WARS2: variants seen among roughly 807,000 people sequenced by gnomAD.
WARS2 encodes tryptophan--tRNA ligase, mitochondrial.
WARS2 carries 28 observed loss-of-function variants against 36.5 expected under a neutral mutation model. The observed-to-expected ratio is 0.77, with a 90% CI of 0.57 to 1.05. The LOEUF (loss-of-function observed/expected upper bound fraction) is 1.05, where lower values mean the gene tolerates loss of function less well. Ranked by LOEUF, WARS2 falls within the 50% of genes least tolerant of loss-of-function variation. The pLI is 0.00. For synonymous variants in WARS2, 174 were observed against 178.4 expected (o/e 0.98, Z 0.20); for missense variants, 435 against 456.8 (o/e 0.95, Z 0.44).
chr1:119,128,233 G>A (rs1655818579), intron 1 of WARS2, among the ~76,000 whole-genome samples: 1 of 151,748 alleles, frequency 6.6e-6, no homozygotes, highest in Non-Finnish European at 1.5e-5. Flanking sequence ...CACAACCACT[G>A]GCCTGTAATT....
intron 4 of WARS2, among the ~76,000 whole-genome samples, chr1:119,039,761 G>A (rs1648191926): frequency 6.6e-6 from 1 of 151,740 alleles, no homozygotes; most frequent in African/African-American, 2.4e-5. Context: ...TTTGTTTTCT[G>A]ACCCACCATG....
At chr1:119,065,625 ACT>A (rs1388721097) in intron 2 of WARS2, among the ~76,000 whole-genome samples, 7 of 134,696 alleles carry the variant, frequency 5.2e-5, no homozygotes, top group African/African-American at 1.2e-4. Context: ...ACAGAGTGAG[ACT>A]CTGTCTCAAA....
chr1:119,086,349 CTGAGA>C (rs1173107419), intron 1 of WARS2, among the ~76,000 whole-genome samples: 4 of 152,208 alleles, frequency 2.6e-5, no homozygotes, highest in African/African-American at 9.7e-5. Context: ...TGGCCAGCAG[CTGAGA>C]TATGTGGCTA....
chr1:119,058,164 T>G (rs1482779306), intron 2 of WARS2, among the ~76,000 whole-genome samples: 1 of 152,182 alleles, frequency 6.6e-6, no homozygotes. Context: ...TCAAGGTTCA[T>G]GTTCTCCCTC....
intron 1 of WARS2, among the ~76,000 whole-genome samples, chr1:119,114,883 T>C (rs1299968877): frequency 6.6e-6 from 1 of 152,166 alleles, no homozygotes; most frequent in African/African-American, 2.4e-5. Context: ...CTCCCTGATA[T>C]TATAAGTCCT....
At chr1:119,048,949 G>A (rs968388901) in intron 2 of WARS2, among the ~76,000 whole-genome samples, 3 of 152,144 alleles carry the variant, frequency 2.0e-5, no homozygotes, top group Non-Finnish European at 4.4e-5. Context: ...TGTAATCCCA[G>A]CTACTCGGGA....
chr1:119,130,017 T>C (rs927271137), intron 1 of WARS2, among the ~76,000 whole-genome samples: 5 of 152,148 alleles, frequency 3.3e-5, no homozygotes, highest in Non-Finnish European at 7.3e-5. Flanking sequence ...GTCTACATCG[T>C]GTAACGGTGC....
intron 2 of WARS2, among the ~76,000 whole-genome samples, chr1:119,058,080 A>G (rs1649992662): frequency 6.6e-6 from 1 of 152,164 alleles, no homozygotes; most frequent in South Asian, 2.1e-4. Flanking sequence ...CAGAAGTTTC[A>G]TAGCTTCAGA....
intron 2 of WARS2, among the ~76,000 whole-genome samples, chr1:119,055,747 GAGGAAGGA>G (rs980361068): frequency 6.6e-6 from 1 of 150,466 alleles, no homozygotes; most frequent in Admixed American, 6.6e-5. Context: ...GGGAGGGAGG[GAGGAAGGA>G]AGGAAGGAAA....
At chr1:119,111,857 G>A (rs1257996994) in intron 1 of WARS2, among the ~76,000 whole-genome samples, 1 of 152,152 alleles carries the variant, frequency 6.6e-6, no homozygotes, top group African/African-American at 2.4e-5. Flanking sequence ...TTGGGGGGCA[G>A]AAGTCTTCGC....
intron 1 of WARS2, among the ~76,000 whole-genome samples, chr1:119,108,825 CTT>C (rs1654419699): frequency 6.6e-6 from 1 of 151,774 alleles, no homozygotes; most frequent in Non-Finnish European, 1.5e-5. Context: ...GATTTTAGAT[CTT>C]TTTCTTTTCA....
chr1:119,038,987 C>T (rs12040640), intron 4 of WARS2, among the ~76,000 whole-genome samples: 10,376 of 152,242 alleles, frequency 0.068, 474 homozygotes, highest in East Asian at 0.2. Context: ...CGTCAGTTTC[C>T]AGTCTTCTTA....
At chr1:119,126,551 T>C (rs893551071) in intron 1 of WARS2, 2 of 590,820 alleles carry the variant, frequency 3.4e-6, no homozygotes, top group African/African-American at 3.7e-5. Context: ...AGACAGATTC[T>C]TGGACTAGTG....
chr1:119,055,336 G>C (rs988718057), intron 2 of WARS2, among the ~76,000 whole-genome samples: 3 of 152,190 alleles, frequency 2.0e-5, no homozygotes, highest in Non-Finnish European at 4.4e-5. Context: ...GAAGTGGTCA[G>C]GCATGGTGGC....
rs192041865 is a variant in WARS2 at position 119,038,422 on chromosome 1, A to G, written c.515+3842T>C. On this transcript the variant is annotated intron_variant, in intron 4 of 5. Transcript: ENST00000235521. ...AAAAGCTCTCAAATGCTGTTTTATGACAGTCTCAAAGAAAGAGAAATAATA... is the reference window on the plus strand; with the variant it reads ...AAAAGCTCTCAAATGCTGTTTTATGGCAGTCTCAAAGAAAGAGAAATAATA... Among the ~76,000 whole-genome samples, 320 of 152,330 alleles carry G rather than the reference A, an allele frequency of 2.1e-3. 1 individual carries two copies. Among genetic ancestry groups the G allele is most frequent in the Non-Finnish European group, 3.7e-3 (252 of 68,026 alleles).
intron 1 of WARS2, among the ~76,000 whole-genome samples, chr1:119,125,675 T>C (rs1571396201): frequency 6.6e-6 from 1 of 152,290 alleles, no homozygotes; most frequent in East Asian, 1.9e-4. Flanking sequence ...CATGACTACA[T>C]AAATGAGAGG....
At chr1:119,077,091 T>C (rs1651798841) in intron 1 of WARS2, among the ~76,000 whole-genome samples, 1 of 126,024 alleles carries the variant, frequency 7.9e-6, no homozygotes, top group South Asian at 2.5e-4. Flanking sequence ...TGAGCCAAGA[T>C]TGCACCACTG....
intron 1 of WARS2, chr1:119,085,824 G>A: frequency 6.2e-7 from 1 of 1,610,212 alleles, no homozygotes; most frequent in Non-Finnish European, 8.5e-7. Context: ...CAGCTCATAA[G>A]GAAGCCCTCC....
intron 4 of WARS2, among the ~76,000 whole-genome samples, chr1:119,036,778 G>A (rs1275657644): frequency 6.6e-6 from 1 of 152,024 alleles, no homozygotes; most frequent in Non-Finnish European, 1.5e-5. Flanking sequence ...ACAATTCTGT[G>A]GGGTTTTGCT....
Sources: gnomAD v4.1 joint callset for allele counts (sites outside exome capture counted in the v4.1 genomes callset) on GRCh38, gnomAD v4.1.1 for gene constraint, MANE v1.5 for transcripts, NCBI Gene and HGNC (gene_info 2026-07-23, HGNC 2026-07-21) for gene names.